The following ADK variants were observed in gnomAD, a reference collection of about 807,000 sequenced individuals.
ADK encodes the protein N6,N6-dimethyladenosine kinase.
A neutral mutation model predicts 44.7 loss-of-function variants in ADK; 24 were observed. The ratio of observed to expected loss-of-function variants is 0.54; its 90% CI spans 0.39 to 0.76. The LOEUF is 0.76. Among genes scored for constraint, ADK ranks in the 30% least tolerant of loss-of-function variants. The probability of loss-of-function intolerance (pLI) is 0.00; values close to 1 mark genes in which losing one functional copy is unlikely to be tolerated. For missense variants in ADK, 321 were observed against 425.1 expected, an observed-to-expected ratio of 0.76 and a Z score of 2.15; for synonymous variants, 128 against 142.6, an observed-to-expected ratio of 0.90 and a Z score of 0.73.
At chr10:74,550,402 AT>A (rs1849990975) in intron 7 of ADK, among the ~76,000 whole-genome samples, 1 of 151,938 alleles carries the variant, frequency 6.6e-6, no homozygotes, top group Non-Finnish European at 1.5e-5. Context: ...TCTGCCTTCA[AT>A]ATATATTGCA....
At position 74,337,679 on chromosome 10, in the gene ADK, T is replaced by TAAACTCTGCAGTTCTGC. The variant is rs1169502102; in HGVS notation, c.273+22934_273+22935insAAACTCTGCAGTTCTGC. Among the ~76,000 whole-genome samples, 18 of 152,342 alleles carry TAAACTCTGCAGTTCTGC rather than the reference T, an allele frequency of 1.2e-4. No individual in the cohort carries two copies. The East Asian group carries it at 1.9e-3, about 16-fold the overall frequency. Reference sequence around the variant, plus strand: ...GCTGGCTTCATTAGCTTTTTGTATATTAATCTGTGTTGTCCTACTATTAGC... The same window carrying TAAACTCTGCAGTTCTGC: ...GCTGGCTTCATTAGCTTTTTGTATATAAACTCTGCAGTTCTGCTAATCTGTGTTGTCCTACTATTAGC... On this transcript the variant is annotated intron_variant, in intron 4 of 10. Coordinates refer to ENST00000539909, the MANE Select transcript of ADK (RefSeq NM_006721.4).
intron 6 of ADK, among the ~76,000 whole-genome samples, chr10:74,414,162 A>G (rs540480441): frequency 6.6e-6 from 1 of 152,358 alleles, no homozygotes; most frequent in South Asian, 2.1e-4. Context: ...TCTGTTGGAA[A>G]ATAATGACAC....
intron 4 of ADK, among the ~76,000 whole-genome samples, chr10:74,380,227 A>G (rs971835594): frequency 6.6e-6 from 1 of 152,230 alleles, no homozygotes; most frequent in Non-Finnish European, 1.5e-5. Flanking sequence ...GTGGTCAAGT[A>G]ACAGGATGGT....
chr10:74,434,060 C>T (rs572041869), intron 6 of ADK, among the ~76,000 whole-genome samples: 2 of 152,148 alleles, frequency 1.3e-5, no homozygotes, highest in Admixed American at 1.3e-4. Flanking sequence ...TTTTACATGA[C>T]TTGAGAGAAT....
chr10:74,310,701 G>A (rs917533081), intron 3 of ADK, among the ~76,000 whole-genome samples: 1 of 152,112 alleles, frequency 6.6e-6, no homozygotes. Context: ...GTAGCCTTCA[G>A]AATAATGTCT....
intron 2 of ADK, among the ~76,000 whole-genome samples, chr10:74,211,028 G>A (rs1382955657): frequency 6.6e-6 from 1 of 152,090 alleles, no homozygotes; most frequent in Non-Finnish European, 1.5e-5. Flanking sequence ...GAGATTACAG[G>A]CATGTGCCAC....
intron 4 of ADK, among the ~76,000 whole-genome samples, chr10:74,357,803 G>T (rs190642148): frequency 1.6e-4 from 25 of 152,246 alleles, no homozygotes; most frequent in African/African-American, 5.5e-4. Flanking sequence ...TCAATGAGCA[G>T]TCTGAATATT....
intron 2 of ADK, among the ~76,000 whole-genome samples, chr10:74,205,851 A>G (rs937112775): frequency 2.0e-5 from 3 of 152,172 alleles, no homozygotes; most frequent in Admixed American, 2.0e-4. Context: ...CTAGGTAACT[A>G]TGTCGATAAC....
At chr10:74,398,867 A>G (rs1256996368) in intron 6 of ADK, among the ~76,000 whole-genome samples, 2 of 152,114 alleles carry the variant, frequency 1.3e-5, no homozygotes, top group African/African-American at 4.8e-5. Context: ...GTTTCCAAAT[A>G]TATTTTAAAA....
chr10:74,323,147 T>C (rs531096514), intron 4 of ADK, among the ~76,000 whole-genome samples: 2 of 152,330 alleles, frequency 1.3e-5, no homozygotes, highest in African/African-American at 4.8e-5. Context: ...GGGACCTAAT[T>C]TCATCAAGGG....
intron 7 of ADK, among the ~76,000 whole-genome samples, chr10:74,538,405 A>C (rs1429023073): frequency 6.6e-6 from 1 of 152,236 alleles, no homozygotes; most frequent in Non-Finnish European, 1.5e-5. Context: ...ATATACACCA[A>C]GAAAATGGAA....
At chr10:74,232,575 A>C (rs1367802202) in intron 3 of ADK, among the ~76,000 whole-genome samples, 1 of 139,478 alleles carries the variant, frequency 7.2e-6, no homozygotes, top group African/African-American at 2.6e-5. Context: ...AAAAACAAAC[A>C]GAAAATAATT....
At chr10:74,303,998 G>A (rs1414631099) in intron 3 of ADK, among the ~76,000 whole-genome samples, 1 of 151,728 alleles carries the variant, frequency 6.6e-6, no homozygotes, top group Non-Finnish European at 1.5e-5. Context: ...TTGTCAAAAT[G>A]AGAGTTGTAT....
At chr10:74,700,094 ATT>A (rs1856360232) in intron 10 of ADK, among the ~76,000 whole-genome samples, 1 of 152,228 alleles carries the variant, frequency 6.6e-6, no homozygotes, top group African/African-American at 2.4e-5. Context: ...TCATTGTAGC[ATT>A]GTTTATATTT....
intron 4 of ADK, among the ~76,000 whole-genome samples, chr10:74,325,024 C>A (rs532754368): frequency 6.6e-6 from 1 of 152,042 alleles, no homozygotes; most frequent in Non-Finnish European, 1.5e-5. Flanking sequence ...TTTTCTATTT[C>A]TATGAAGATT....
intron 9 of ADK, among the ~76,000 whole-genome samples, chr10:74,615,195 CT>C (rs2134008631): frequency 6.6e-6 from 1 of 152,182 alleles, no homozygotes; most frequent in South Asian, 2.1e-4. Flanking sequence ...GCTTACAGTT[CT>C]TTTTTTCTGT....
At chr10:74,363,755 G>T (rs1270697436) in intron 4 of ADK, among the ~76,000 whole-genome samples, 1 of 151,968 alleles carries the variant, frequency 6.6e-6, no homozygotes, top group Non-Finnish European at 1.5e-5. Flanking sequence ...TCTTCCAGCA[G>T]ATCTCTGCAC....
intron 6 of ADK, among the ~76,000 whole-genome samples, chr10:74,421,606 G>C (rs978396008): frequency 1.3e-5 from 2 of 152,098 alleles, no homozygotes; most frequent in African/African-American, 4.8e-5. Flanking sequence ...CACATCTAAC[G>C]CTCACATCCT....
At chr10:74,522,086 G>T (rs1472513880) in intron 6 of ADK, among the ~76,000 whole-genome samples, 2 of 152,070 alleles carry the variant, frequency 1.3e-5, no homozygotes, top group Non-Finnish European at 2.9e-5. Context: ...CCTCTGTAAC[G>T]AAACAGATTA....
Sources: gnomAD v4.1 joint callset for allele counts (sites outside exome capture counted in the v4.1 genomes callset) on GRCh38, gnomAD v4.1.1 for gene constraint, MANE v1.5 for transcripts, NCBI Gene and HGNC (gene_info 2026-07-23, HGNC 2026-07-21) for gene names.